The following RP1 variants were observed in gnomAD, a reference collection of about 807,000 sequenced individuals.
RP1 encodes oxygen-regulated protein 1.
In RP1, 16 loss-of-function variants were observed where a neutral mutation model predicts 14.8. The observed-to-expected ratio is 1.08, with a 90% CI of 0.73 to 1.65. The LOEUF is 1.65. Among genes scored for constraint, RP1 ranks in the 40% most tolerant of loss-of-function variants. The pLI is 0.00. For synonymous variants in RP1, 876 were observed against 883.6 expected (o/e 0.99, Z 0.15); for missense variants, 2,631 against 2,535.0 (o/e 1.04, Z -0.81).
intron 27 of RP1, among the ~76,000 whole-genome samples, chr8:54,863,803 A>C (rs1020489112): frequency 3.3e-5 from 5 of 152,232 alleles, no homozygotes; most frequent in Admixed American, 2.0e-4. Flanking sequence ...CTTTGCTGCC[A>C]GCTTTTTAGT....
rs529347349 is a variant in RP1 at position 54,797,378 on chromosome 8, T to C, written c.3615+13668T>C. Among the ~76,000 whole-genome samples the C allele has an allele frequency of 5.9e-5, 9 of 152,292 alleles. No individual in the cohort carries two copies. In the South Asian group the frequency reaches 1.9e-3, roughly 32 times the overall value. Reference sequence around the variant, plus strand: ...TACAATCAGTTTGGCTGTAATAGTTTTGGAAATGTGAATTTGTTCCAACAT... The same window carrying C: ...TACAATCAGTTTGGCTGTAATAGTTCTGGAAATGTGAATTTGTTCCAACAT... On this transcript the variant is annotated intron_variant, in intron 24 of 28. Transcript: ENST00000637698.
Position 54,802,357 on chromosome 8 carries a change from T to C in RP1, c.3615+18647T>C, listed in dbSNP as rs116316509. Reference sequence around the variant, plus strand: ...TCCAACCTATAAGTAAGAGAATGGATCCATAAAAGACTGTTTAATCATGGC... The same window carrying C: ...TCCAACCTATAAGTAAGAGAATGGACCCATAAAAGACTGTTTAATCATGGC... On this transcript the variant is annotated intron_variant, in intron 24 of 28. Transcript: ENST00000637698. Among the ~76,000 whole-genome samples, 1,448 of 152,282 alleles carry C rather than the reference T, an allele frequency of 9.5e-3. 19 individuals are homozygous for C. The highest frequency in any genetic ancestry group is 0.033 in the African/African-American group (1,361 of 41,568).
intron 22 of RP1, chr8:54,759,130 C>CTGTG (rs3077333): frequency 0.016 from 12,645 of 767,150 alleles, 118 homozygotes; most frequent in Middle Eastern, 0.026. Flanking sequence ...GTGGATGATG[C>CTGTG]TGTGTGTGTG....
In RP1 at chr8:54,627,794, A is replaced by C. The variant is rs1181333100; in HGVS notation, c.3912A>C (p.Ser1304=). 6.2e-7 allele frequency: 1 copy of C among 1,614,158 alleles called. No individual in the cohort carries two copies. Among genetic ancestry groups the C allele is most frequent in the Admixed American group, 1.7e-5 (1 of 60,016 alleles). Residue 1304 remains serine, a synonymous_variant, in exon 4 of 4, where the codon TCA becomes TCC. Coordinates refer to ENST00000220676, the MANE Select transcript of RP1 (RefSeq NM_006269.2). ...NKACFLGEVC[S]LTDTVFSDKA... ...CTTGTTTCCTAGGAGAGGTCTGTTC[A>C]CTTACTGATACTGTGTTTTCTGATA... is the stretch of plus-strand genomic sequence containing the variant.
At chr8:54,770,405 T>C (rs902495689), downstream of RP1, among the ~76,000 whole-genome samples, 2 of 151,750 alleles carry the variant, frequency 1.3e-5, no homozygotes, top group Non-Finnish European at 2.9e-5. Context: ...TAAATATATA[T>C]GGAAAATAAT....
At chr8:54,737,842 T>C (rs532750957) in intron 18 of RP1, among the ~76,000 whole-genome samples, 4 of 152,174 alleles carry the variant, frequency 2.6e-5, no homozygotes, top group Non-Finnish European at 5.9e-5. Flanking sequence ...GTCTAGTCCA[T>C]AGGTAGGCAA....
intron 23 of RP1, among the ~76,000 whole-genome samples, chr8:54,780,289 G>C (rs1157908033): frequency 3.3e-5 from 5 of 152,248 alleles, no homozygotes. Context: ...TCTGGACTAT[G>C]ATGTCTGCAA....
intron 1 of RP1, among the ~76,000 whole-genome samples, chr8:54,610,981 A>C (rs967448117): frequency 1.4e-4 from 21 of 152,158 alleles, no homozygotes; most frequent in Non-Finnish European, 7.4e-5. Flanking sequence ...TTTTGCCCTC[A>C]TTTTTAAAAG....
chr8:54,857,351 C>A (rs1407975296), intron 27 of RP1, among the ~76,000 whole-genome samples: 1 of 145,004 alleles, frequency 6.9e-6, no homozygotes, highest in Admixed American at 6.9e-5. Context: ...ATTTATAAAT[C>A]ATAAATTTAC....
chr8:54,598,105 C>T lies in RP1; in HGVS notation c.-12-22850C>T, dbSNP rs1041140962. On this transcript the variant is annotated intron_variant, in intron 1 of 22. Coordinates refer to the RP1 transcript ENST00000636932. ...TTTGAGAATATTATATAAATTAAAT[C>T]ATATAGCATATGAGTTCATTACCAA... 9.2e-5 allele frequency among the ~76,000 whole-genome samples: 14 copies of T among 152,154 alleles called. No homozygotes were observed. The East Asian group carries it at 2.5e-3, about 27-fold the overall frequency.
intron 25 of RP1, among the ~76,000 whole-genome samples, chr8:54,849,555 A>AT (rs550966435): frequency 5.1e-4 from 77 of 152,336 alleles, no homozygotes; most frequent in African/African-American, 1.8e-3. Context: ...GAATCCAGGG[A>AT]TTAAGGATAC....
At chr8:54,664,958 A>G (rs1806984659) in intron 7 of RP1, among the ~76,000 whole-genome samples, 1 of 152,158 alleles carries the variant, frequency 6.6e-6, no homozygotes, top group Non-Finnish European at 1.5e-5. Context: ...CCCGGTTAAC[A>G]CACCTGCACA....
intron 1 of RP1, among the ~76,000 whole-genome samples, chr8:54,575,429 A>G (rs1313891634): frequency 2.6e-5 from 4 of 152,038 alleles, no homozygotes; most frequent in African/African-American, 7.2e-5. Context: ...TGCTAGGTAT[A>G]TATATTTATG....
At chr8:54,582,059 A>G (rs1262151139) in intron 1 of RP1, among the ~76,000 whole-genome samples, 3 of 152,194 alleles carry the variant, frequency 2.0e-5, no homozygotes, top group Non-Finnish European at 4.4e-5. Flanking sequence ...TTGATGTTTT[A>G]GACATGAAGT....
intron 12 of RP1, among the ~76,000 whole-genome samples, chr8:54,680,328 C>T (rs1807397180): frequency 6.6e-6 from 1 of 151,862 alleles, no homozygotes; most frequent in African/African-American, 2.4e-5. Context: ...AATAAATGTA[C>T]AAAGGAAAAA....
At chr8:54,863,978 G>A (rs1812406893) in intron 27 of RP1, among the ~76,000 whole-genome samples, 1 of 152,120 alleles carries the variant, frequency 6.6e-6, no homozygotes, top group African/African-American at 2.4e-5. Context: ...TACCAATAAT[G>A]AATCCATGTG....
intron 15 of RP1, among the ~76,000 whole-genome samples, chr8:54,719,599 T>C (rs1162132668): frequency 6.6e-6 from 1 of 152,224 alleles, no homozygotes; most frequent in African/African-American, 2.4e-5. Flanking sequence ...TCTGAGGGTG[T>C]ATAGATTACT....
intron 16 of RP1, among the ~76,000 whole-genome samples, chr8:54,724,966 C>T (rs944439894): frequency 6.6e-6 from 1 of 152,136 alleles, no homozygotes; most frequent in African/African-American, 2.4e-5. Context: ...AATGGACTGG[C>T]ACATTAATTG....
chr8:54,627,109 A>G lies in RP1; in HGVS notation c.3227A>G (p.Glu1076Gly), dbSNP rs1233367368. The G allele has an allele frequency of 6.2e-6, 10 of 1,614,122 alleles. No individual in the cohort carries two copies. Among genetic ancestry groups the G allele is most frequent in the Non-Finnish European group, 6.8e-6 (8 of 1,179,978 alleles). ...EAAIQVDPIE[E>G]ETPKDLLPVL... ...GCCATTCAAGTAGATCCTATAGAAGAGGAAACTCCAAAAGACCTCTTACCA... is the reference window on the plus strand; with the variant it reads ...GCCATTCAAGTAGATCCTATAGAAGGGGAAACTCCAAAAGACCTCTTACCA... Residue 1076 changes from glutamate to glycine, a missense_variant, in exon 4 of 4, where the codon GAG becomes GGG. Coordinates refer to ENST00000220676, the MANE Select transcript of RP1 (RefSeq NM_006269.2).
Sources: gnomAD v4.1 joint callset for allele counts (sites outside exome capture counted in the v4.1 genomes callset) on GRCh38, gnomAD v4.1.1 for gene constraint, MANE v1.5 for transcripts, NCBI Gene and HGNC (gene_info 2026-07-23, HGNC 2026-07-21) for gene names.